Variants in SPHKAP observed in about 807,000 individuals in gnomAD.
SPHKAP encodes the protein SPHK1 interactor, AKAP domain containing.
SPHKAP carries 67 observed loss-of-function variants against 137.5 expected under a neutral mutation model. That is an observed-to-expected ratio of 0.49 (90% CI 0.40 to 0.60). SPHKAP has a LOEUF of 0.60. SPHKAP is among the 20% of genes least tolerant of loss of function. The pLI is 0.00. For synonymous variants in SPHKAP, 813 were observed against 785.3 expected, an observed-to-expected ratio of 1.04 and a Z score of -0.59; for missense variants, 2,097 against 2,069.3, an observed-to-expected ratio of 1.01 and a Z score of -0.26.
chr2:228,126,790 G>A (rs1399710622), intron 2 of SPHKAP, among the ~76,000 whole-genome samples: 1 of 152,106 alleles, frequency 6.6e-6, no homozygotes. Context: ...CTTTTTCAGA[G>A]CTGCAGCTTC....
chr2:228,019,143 A>G lies in SPHKAP; in HGVS notation c.1711T>C (p.Cys571Arg). ...ACCTCTTCTCTTTCACCCAGACCAC[A>G]GACAGCCACGGCACTGGCCACCTGA... is the stretch of plus-strand genomic sequence containing the variant. Reference protein sequence around the residue: ...MTQVASAVAVCGLGEREEVTC... With the variant: ...MTQVASAVAVRGLGEREEVTC... Residue 571 changes from cysteine (C) to arginine (R), a missense_variant, in exon 7 of 12, where the codon TGT becomes CGT. By Grantham distance (180) the Cys-to-Arg change is radical. Coordinates refer to ENST00000392056, the MANE Select transcript of SPHKAP (RefSeq NM_001142644.2). The G allele has an allele frequency of 6.2e-7, 1 of 1,613,898 alleles. No individual in the cohort carries two copies. Among genetic ancestry groups the G allele is most frequent in the Non-Finnish European group, 8.5e-7 (1 of 1,180,034 alleles).
intron 2 of SPHKAP, among the ~76,000 whole-genome samples, chr2:228,112,758 T>A (rs186011931): frequency 0.013 from 2,034 of 152,262 alleles, 48 homozygotes; most frequent in African/African-American, 0.047. Context: ...GACAGATTAA[T>A]CTGCCGAGTC....
chr2:227,998,094 T>A lies in SPHKAP; in HGVS notation c.4449-2400A>T, dbSNP rs113003777. Among the ~76,000 whole-genome samples the A allele has an allele frequency of 9.2e-3, 1,395 of 152,218 alleles. 21 individuals carry two copies. Among genetic ancestry groups the A allele is most frequent in the African/African-American group, 0.031 (1,275 of 41,552 alleles). On this transcript the variant is annotated intron_variant, in intron 7 of 11. Transcript: ENST00000392056. Reference sequence around the variant, plus strand: ...TGATCTCAGCTCACTGCAACCTCCGTCTCCCAGATATAAGCAACTCCCCTG... The same window carrying A: ...TGATCTCAGCTCACTGCAACCTCCGACTCCCAGATATAAGCAACTCCCCTG...
intron 1 of SPHKAP, among the ~76,000 whole-genome samples, chr2:228,133,045 G>A (rs971225231): frequency 6.6e-6 from 1 of 151,916 alleles, no homozygotes; most frequent in Non-Finnish European, 1.5e-5. Flanking sequence ...GGTGGCTCAC[G>A]CCTGTAATAC....
chr2:228,126,188 C>A (rs1350339780), intron 2 of SPHKAP, among the ~76,000 whole-genome samples: 2 of 152,170 alleles, frequency 1.3e-5, no homozygotes, highest in African/African-American at 4.8e-5. Context: ...CCCTACCCAG[C>A]AGCTCTTTTC....
chr2:228,153,695 A>G (rs1700007728), intron 1 of SPHKAP, among the ~76,000 whole-genome samples: 2 of 152,132 alleles, frequency 1.3e-5, no homozygotes, highest in South Asian at 4.1e-4. Context: ...TTATTTTCTT[A>G]TCAACTTTTC....
chr2:228,129,854 T>C (rs1206620222), intron 2 of SPHKAP, among the ~76,000 whole-genome samples: 3 of 150,618 alleles, frequency 2.0e-5, no homozygotes, highest in Non-Finnish European at 4.4e-5. Context: ...TGGAGTACAA[T>C]GGCGTGATCT....
At position 228,018,073 on chromosome 2, in the gene SPHKAP, T is replaced by C; in HGVS notation, c.2781A>G (p.Thr927=). 1 of 1,614,204 alleles carries C rather than the reference T, an allele frequency of 6.2e-7. No homozygotes were observed. Among genetic ancestry groups the C allele is most frequent in the Non-Finnish European group, 8.5e-7 (1 of 1,180,040 alleles). The change falls in exon 7 of 12, where the codon ACA becomes ACG. Residue 927 remains threonine (T), a synonymous_variant. Transcript: ENST00000392056. ...QTKHPDIYCI[T]DFAEELADTV... ...TGTCTGCTAATTCTTCCGCAAAGTC[T>C]GTAATGCAGTAGATGTCTGGATGCT... is the stretch of plus-strand genomic sequence containing the variant.
intron 7 of SPHKAP, among the ~76,000 whole-genome samples, chr2:228,006,307 T>C (rs139009374): frequency 0.01 from 1,546 of 152,350 alleles, 25 homozygotes; most frequent in African/African-American, 0.035. Flanking sequence ...CAGTCACTGA[T>C]ACCCTTTCTT....
intron 2 of SPHKAP, among the ~76,000 whole-genome samples, chr2:228,120,979 A>G (rs1301149401): frequency 5.3e-5 from 8 of 152,234 alleles, no homozygotes; most frequent in Non-Finnish European, 7.3e-5. Flanking sequence ...TATAATATTT[A>G]TACTATCAGT....
intron 7 of SPHKAP, among the ~76,000 whole-genome samples, 163 bp downstream of exon 7, chr2:228,016,243 T>A (rs1027994291): frequency 2.6e-5 from 4 of 152,266 alleles, no homozygotes; most frequent in Admixed American, 2.0e-4. Flanking sequence ...ACATGTGCCA[T>A]GTTGGTGTGC....
chr2:228,144,399 C>T (rs1338277805), intron 1 of SPHKAP, among the ~76,000 whole-genome samples: 2 of 152,136 alleles, frequency 1.3e-5, no homozygotes, highest in Non-Finnish European at 2.9e-5. Flanking sequence ...TAATGCCTGG[C>T]ATATTGTAAA....
rs372775997 is a variant in SPHKAP at position 228,081,217 on chromosome 2, A to G, written c.246+27615T>C. ...GAGTGCAAGAAATACACAATTGACT[A>G]TTCTCCCACCTACTCCTTTTCTCTT... On this transcript the variant is annotated intron_variant, in intron 3 of 11. Transcript: ENST00000392056. Among the ~76,000 whole-genome samples the G allele has an allele frequency of 7.9e-5, 12 of 152,266 alleles. No individual in the cohort carries two copies. In the East Asian group the frequency reaches 2.1e-3, roughly 27 times the overall value.
At chr2:228,046,255 C>T (rs1489589651) in intron 3 of SPHKAP, among the ~76,000 whole-genome samples, 1 of 139,022 alleles carries the variant, frequency 7.2e-6, no homozygotes, top group Non-Finnish European at 1.5e-5. Flanking sequence ...ATCCGTGTTT[C>T]AAAACATTTT....
intron 1 of SPHKAP, among the ~76,000 whole-genome samples, chr2:228,135,260 G>C (rs1218566366): frequency 2.9e-4 from 37 of 128,036 alleles, no homozygotes; most frequent in African/African-American, 1.0e-3. Context: ...GGCAACAAGA[G>C]TGAAACTCTG....
intron 3 of SPHKAP, among the ~76,000 whole-genome samples, chr2:228,082,480 G>A (rs1481965082): frequency 6.6e-6 from 1 of 152,038 alleles, no homozygotes; most frequent in Non-Finnish European, 1.5e-5. Flanking sequence ...GGTGATAAGT[G>A]GGCAGAAAAA....
In SPHKAP at chr2:227,981,745, A is replaced by G; in HGVS notation, c.5075T>C (p.Leu1692Pro). Reference sequence around the variant, plus strand: ...TCCCAGTTCCAAGAGCCAGTCAAAGAGACTCAGTCTCCCATCCTTCTGCTC... The same window carrying G: ...TCCCAGTTCCAAGAGCCAGTCAAAGGGACTCAGTCTCCCATCCTTCTGCTC... The part of the protein sequence containing the change: ...HEEQKDGRLS[L>P]FDWLLELG Residue 1692 changes from leucine to proline, a missense_variant, in exon 12 of 12, where the codon CTC (leucine) becomes CCC (proline). Physicochemically the swap from Leu to Pro is moderately conservative, Grantham distance 98. Transcript: ENST00000392056. 1 of 1,613,702 alleles carries G rather than the reference A, an allele frequency of 6.2e-7. No individual in the cohort carries two copies. Among genetic ancestry groups the G allele is most frequent in the Non-Finnish European group, 8.5e-7 (1 of 1,179,722 alleles).
At chr2:228,076,529 AG>A (rs1445796641) in intron 3 of SPHKAP, among the ~76,000 whole-genome samples, 3 of 152,136 alleles carry the variant, frequency 2.0e-5, no homozygotes, top group Non-Finnish European at 4.4e-5. Context: ...ATTGGAGCAA[AG>A]GTGACTCTTG....
chr2:228,119,812 C>T (rs2106361518), intron 2 of SPHKAP, among the ~76,000 whole-genome samples: 1 of 152,212 alleles, frequency 6.6e-6, no homozygotes, highest in East Asian at 1.9e-4. Context: ...ACATTTTTCT[C>T]TTAATGATGA....
Sources: gnomAD v4.1 joint callset for allele counts (sites outside exome capture counted in the v4.1 genomes callset) on GRCh38, gnomAD v4.1.1 for gene constraint, MANE v1.5 for transcripts, NCBI Gene and HGNC (gene_info 2026-07-23, HGNC 2026-07-21) for gene names.